The following PPP1R13B variants were observed in gnomAD, a reference collection of about 807,000 sequenced individuals.
PPP1R13B encodes apoptosis-stimulating of p53 protein 1.
A neutral mutation model predicts 119.8 loss-of-function variants in PPP1R13B; 44 were observed. The ratio of observed to expected loss-of-function variants is 0.37; its 90% CI spans 0.29 to 0.47. The LOEUF (loss-of-function observed/expected upper bound fraction) is 0.47. Ranked by LOEUF, PPP1R13B falls within the 20% of genes least tolerant of loss-of-function variation. The pLI is 0.99. For synonymous variants in PPP1R13B, 542 were observed against 561.5 expected (o/e 0.97, Z 0.49); for missense variants, 1,227 against 1,413.5 (o/e 0.87, Z 2.12).
rs530656020 is a variant in PPP1R13B at position 103,756,903 on chromosome 14, C to T, written c.456+747G>A. Among the ~76,000 whole-genome samples, 6 of 148,742 alleles carry T rather than the reference C, an allele frequency of 4.0e-5. No homozygotes were observed. In the South Asian group the frequency reaches 8.5e-4, roughly 21 times the overall value. ...CCTCCCGAGTAGCTGGGACTACAGG[C>T]GCCCGCCACCAAGCCTGGGTAATTT... On this transcript the variant is annotated intron_variant, in intron 5 of 16. Coordinates refer to ENST00000202556, the MANE Select transcript of PPP1R13B (RefSeq NM_015316.3).
At chr14:103,804,602 G>A (rs993827445) in intron 1 of PPP1R13B, among the ~76,000 whole-genome samples, 1 of 152,036 alleles carries the variant, frequency 6.6e-6, no homozygotes, top group Non-Finnish European at 1.5e-5. Context: ...GGGCATCATG[G>A]TATGTGTCTG....
intron 8 of PPP1R13B, among the ~76,000 whole-genome samples, chr14:103,748,446 G>A (rs2084450847): frequency 6.6e-6 from 1 of 152,150 alleles, no homozygotes; most frequent in Non-Finnish European, 1.5e-5. Context: ...AGCCCATGCT[G>A]CCTCCTCAGA....
chr14:103,754,301 A>C (rs1467413485), intron 5 of PPP1R13B, 57 bp from the exon 6 acceptor site: 38 of 1,529,572 alleles, frequency 2.5e-5, no homozygotes, highest in Non-Finnish European at 3.2e-5. Context: ...GCGGTGGCTC[A>C]CATCTGTAAT....
Position 103,758,023 on chromosome 14 carries a change from T to A in PPP1R13B, c.355-272A>T, listed in dbSNP as rs150042959. On this transcript the variant is annotated intron_variant, in intron 4 of 16. Coordinates refer to ENST00000202556, the MANE Select transcript of PPP1R13B (RefSeq NM_015316.3). Reference sequence around the variant, plus strand: ...TTGCAAATGTGTATTATGAGTGACATTCCTCCTTCTGGAATGACAATTTAG... The same window carrying A: ...TTGCAAATGTGTATTATGAGTGACAATCCTCCTTCTGGAATGACAATTTAG... Among the ~76,000 whole-genome samples the A allele has an allele frequency of 2.2e-3, 332 of 152,314 alleles. 2 individuals carry two copies. Among genetic ancestry groups the A allele is most frequent in the Admixed American group, 4.3e-3 (65 of 15,294 alleles).
chr14:103,814,298 G>A (rs541535600), intron 1 of PPP1R13B, among the ~76,000 whole-genome samples: 3 of 152,076 alleles, frequency 2.0e-5, no homozygotes, highest in South Asian at 4.2e-4. Context: ...GCAGTGAGCC[G>A]AGATTGCCCC....
intron 3 of PPP1R13B, among the ~76,000 whole-genome samples, chr14:103,784,583 CAAA>C (rs546875688): frequency 1.7e-5 from 1 of 60,568 alleles, no homozygotes; most frequent in African/African-American, 6.4e-5. Context: ...ACTCTGTCTC[CAAA>C]AAAAAAAAAA....
chr14:103,758,205 T>C (rs2084722214), intron 4 of PPP1R13B, among the ~76,000 whole-genome samples: 1 of 152,204 alleles, frequency 6.6e-6, no homozygotes, highest in African/African-American at 2.4e-5. Context: ...AATAACTCAC[T>C]AAAAACACCA....
At chr14:103,788,835 G>A (rs956328177) in intron 2 of PPP1R13B, among the ~76,000 whole-genome samples, 5 of 152,150 alleles carry the variant, frequency 3.3e-5, no homozygotes, top group African/African-American at 1.2e-4. Flanking sequence ...CATTTAGAGT[G>A]ACAGACAATG....
At chr14:103,790,826 G>A (rs186490430) in intron 2 of PPP1R13B, among the ~76,000 whole-genome samples, 34 of 152,304 alleles carry the variant, frequency 2.2e-4, no homozygotes, top group Non-Finnish European at 1.9e-4. Context: ...TAAACATGGC[G>A]AAACCTCATC....
chr14:103,740,015 G>A lies in PPP1R13B; in HGVS notation c.2401C>T (p.Pro801Ser). 3.7e-6 allele frequency: 6 copies of A among 1,614,100 alleles called. No individual in the cohort carries two copies. The highest frequency in any genetic ancestry group is 4.2e-6 in the Non-Finnish European group (5 of 1,179,998). Reference protein sequence around the residue: ...ANDNELPSPEPEELICPQTTH... With the variant: ...ANDNELPSPESEELICPQTTH... ...GTTTGGGGACAGATGAGCTCCTCTG[G>A]TTCGGGGGAAGGTAACTCATTATCA... The change falls in exon 12 of 17, where the codon CCA (proline) becomes TCA (serine). Residue 801 changes from proline (P) to serine (S), a missense_variant. By Grantham distance (74) the Pro-to-Ser change is moderately conservative. Coordinates refer to ENST00000202556, the MANE Select transcript of PPP1R13B (RefSeq NM_015316.3). This position sits in a 1 kb window ranked among gnomAD's most constrained non-coding sequence, Gnocchi z 4.6.
chr14:103,758,575 T>C (rs987709530), intron 4 of PPP1R13B, among the ~76,000 whole-genome samples: 3 of 152,224 alleles, frequency 2.0e-5, no homozygotes, highest in African/African-American at 7.2e-5. Context: ...CATTGTGCCA[T>C]ATGCTCTTCA....
At chr14:103,788,126 GA>G (rs113823420) in intron 2 of PPP1R13B, among the ~76,000 whole-genome samples, 40 of 142,466 alleles carry the variant, frequency 2.8e-4, no homozygotes, top group South Asian at 4.4e-4. Flanking sequence ...AGAGAAAAAT[GA>G]AAAAAAAAAA....
intron 1 of PPP1R13B, among the ~76,000 whole-genome samples, chr14:103,840,961 A>G (rs2086893246): frequency 6.6e-6 from 1 of 152,062 alleles, no homozygotes; most frequent in Non-Finnish European, 1.5e-5. Context: ...AATATCACAT[A>G]TACCTCAGAA....
intron 1 of PPP1R13B, among the ~76,000 whole-genome samples, chr14:103,813,777 C>G (rs968531942): frequency 6.6e-6 from 1 of 152,058 alleles, no homozygotes; most frequent in Non-Finnish European, 1.5e-5. Flanking sequence ...TAGGTAAGAA[C>G]TGAGTCACCT....
chr14:103,753,113 T>A lies in PPP1R13B; in HGVS notation c.715A>T (p.Ser239Cys). Reference sequence around the variant, plus strand: ...TTCTTTAAATCTTCCAATTGCTGACTAAGCTGATCAACCCTTAAAATTGCA... The same window carrying A: ...TTCTTTAAATCTTCCAATTGCTGACAAAGCTGATCAACCCTTAAAATTGCA... The part of the protein sequence containing the change: ...QTAILRVDQL[S>C]QQLEDLKKGK... The change falls in exon 7 of 17, where the codon AGT becomes TGT. Residue 239 changes from serine (S) to cysteine (C), a missense_variant. Ser to Cys is a moderately radical substitution (Grantham distance 112). Coordinates refer to ENST00000202556, the MANE Select transcript of PPP1R13B (RefSeq NM_015316.3). 1 of 1,613,990 alleles carries A rather than the reference T, an allele frequency of 6.2e-7. No individual in the cohort carries two copies. The highest frequency in any genetic ancestry group is 1.3e-5 in the African/African-American group (1 of 75,056).
At position 103,797,312 on chromosome 14, in the gene PPP1R13B, C is replaced by T. The variant is rs1236537949; in HGVS notation, c.157+59G>A. 2.7e-6 allele frequency: 4 copies of T among 1,491,234 alleles called. No homozygotes were observed. The Admixed American group carries it at 6.4e-5, about 24-fold the overall frequency. 92.4% of individuals were successfully genotyped at this position (1,491,234 alleles called of 1,614,324 possible). On this transcript the variant is annotated intron_variant, in intron 2 of 16. Transcript: ENST00000202556. ...AAAAGCAAATCCAGCACAAGCTTAG[C>T]TAAAAGATGGTGATTTGATTTTATC...
In PPP1R13B at chr14:103,738,477, GT is replaced by G. The variant is rs1203443061; in HGVS notation, c.2864+201del. 5.2e-6 allele frequency: 4 copies of G among 776,134 alleles called. No individual in the cohort carries two copies. The Admixed American group carries it at 8.9e-5, about 17-fold the overall frequency. 48.1% of individuals were successfully genotyped at this position (776,134 alleles called of 1,614,324 possible). A position where few individuals can be genotyped will look rare whatever the true frequency, so the allele number is the denominator to read the frequency against. Reference sequence around the variant, plus strand: ...ACAGAAAGAGCATAACCACAGCCACGTTTTTAACAAAATCATCAAGAGAAAA... The same window carrying G: ...ACAGAAAGAGCATAACCACAGCCACGTTTTAACAAAATCATCAAGAGAAAA... On this transcript the variant is annotated intron_variant, in intron 14 of 16. Transcript: ENST00000202556. The surrounding 1 kb of genome is among the most constrained non-coding windows in gnomAD (Gnocchi z 5.6).
intron 2 of PPP1R13B, among the ~76,000 whole-genome samples, chr14:103,795,320 G>A (rs1595784187): frequency 1.3e-5 from 2 of 152,290 alleles, no homozygotes; most frequent in Middle Eastern, 3.4e-3. Context: ...AGGGATGAGA[G>A]GCAAAGAATA....
At chr14:103,809,731 G>A (rs1021118595) in intron 1 of PPP1R13B, among the ~76,000 whole-genome samples, 1 of 151,864 alleles carries the variant, frequency 6.6e-6, no homozygotes, top group African/African-American at 2.4e-5. Context: ...CTGAGGCAGG[G>A]AGGATCACTT....
Sources: gnomAD v4.1 joint callset for allele counts (sites outside exome capture counted in the v4.1 genomes callset) on GRCh38, gnomAD v4.1.1 for gene constraint, Gnocchi (gnomAD v3.1) non-coding constraint, MANE v1.5 for transcripts, NCBI Gene and HGNC (gene_info 2026-07-23, HGNC 2026-07-21) for gene names.